ZYG11A: variants seen among roughly 807,000 people sequenced by gnomAD.
The protein encoded by ZYG11A is zyg-11 family member A, cell cycle regulator.
ZYG11A carries 62 observed loss-of-function variants against 77.2 expected under a neutral mutation model. The observed-to-expected ratio is 0.80, with a 90% CI of 0.65 to 0.99. ZYG11A has a LOEUF of 0.99. Among genes scored for constraint, ZYG11A ranks in the 50% least tolerant of loss-of-function variants. The pLI, the probability that ZYG11A is intolerant of heterozygous loss-of-function variation, is 0.00. For synonymous variants in ZYG11A, 315 were observed against 324.6 expected, an observed-to-expected ratio of 0.97 and a Z score of 0.32; for missense variants, 828 against 896.8, an observed-to-expected ratio of 0.92 and a Z score of 0.98.
intron 13 of ZYG11A, among the ~76,000 whole-genome samples, chr1:52,892,509 CA>C (rs1356512764): frequency 6.7e-6 from 1 of 149,000 alleles, no homozygotes; most frequent in Non-Finnish European, 1.5e-5. Flanking sequence ...GCCTGGGCAA[CA>C]AGAGCAAAAC....
At chr1:52,889,915 G>A (rs1307217443) in intron 13 of ZYG11A, among the ~76,000 whole-genome samples, 1 of 151,670 alleles carries the variant, frequency 6.6e-6, no homozygotes, top group Admixed American at 6.6e-5. Flanking sequence ...GGGTTTCACT[G>A]TGTTAGCCAG....
intron 13 of ZYG11A, among the ~76,000 whole-genome samples, chr1:52,889,904 G>A (rs1009700265): frequency 2.0e-5 from 3 of 151,520 alleles, no homozygotes; most frequent in African/African-American, 2.4e-5. Context: ...TAGTAGAGAC[G>A]GGGTTTCACT....
chr1:52,874,114 TTGA>T (rs1646219627), intron 8 of ZYG11A, among the ~76,000 whole-genome samples: 1 of 20,892 alleles, frequency 4.8e-5, no homozygotes, highest in African/African-American at 5.6e-4. Flanking sequence ...GATCACCATC[TTGA>T]TCAGTCGGCC....
chr1:52,887,400 G>A (rs1342761831), intron 13 of ZYG11A, among the ~76,000 whole-genome samples: 2 of 152,030 alleles, frequency 1.3e-5, no homozygotes, highest in Admixed American at 6.6e-5. Flanking sequence ...TTTTAACAAA[G>A]TGGGCTCATT....
intron 3 of ZYG11A, among the ~76,000 whole-genome samples, 164 bp from the exon 4 acceptor site, chr1:52,860,567 G>A (rs1645908598): frequency 6.6e-6 from 1 of 152,194 alleles, no homozygotes; most frequent in Non-Finnish European, 1.5e-5. Flanking sequence ...AAAGTGCTGG[G>A]ATTACAGGCG....
intron 3 of ZYG11A, among the ~76,000 whole-genome samples, chr1:52,859,091 CAG>C (rs1474786905): frequency 3.3e-5 from 5 of 152,152 alleles, no homozygotes; most frequent in Admixed American, 6.5e-5. Context: ...TTTATTGAGA[CAG>C]AGTCACTCTG....
At position 52,866,524 on chromosome 1, in the gene ZYG11A, T is replaced by G; in HGVS notation, c.1348T>G (p.Ser450Ala). The change falls in exon 6 of 14, where the codon TCC becomes GCC. Residue 450 changes from serine to alanine, a missense_variant. By Grantham distance (99) the Ser-to-Ala change is moderately conservative (BLOSUM62 1). Coordinates refer to ENST00000371528, the MANE Select transcript of ZYG11A (RefSeq NM_001004339.3). ...YQQLQKNCLL[S>A]LTNSRILVDV... is the part of the protein sequence containing the mutation. The stretch of plus-strand genomic sequence containing the variant: ...AAAGTTACAGAAGAATTGTCTTCTC[T>G]CCTTAACCAATTCCAGGATTCTTGT... 14 of 1,538,094 alleles carry G rather than the reference T, an allele frequency of 9.1e-6. No homozygotes were observed. Among genetic ancestry groups the G allele is most frequent in the Non-Finnish European group, 1.2e-5 (14 of 1,135,072 alleles).
chr1:52,872,268 A>AT (rs1390569781), intron 8 of ZYG11A, among the ~76,000 whole-genome samples: 7 of 151,960 alleles, frequency 4.6e-5, no homozygotes, highest in Admixed American at 4.6e-4. Flanking sequence ...TGCCCAGCTA[A>AT]TTTTTTTGTA....
chr1:52,884,140 A>G (rs1015393192), intron 11 of ZYG11A, among the ~76,000 whole-genome samples: 3 of 149,264 alleles, frequency 2.0e-5, no homozygotes, highest in African/African-American at 7.3e-5. Context: ...TCGGCCTCCC[A>G]AAGTGCTGGG....
intron 9 of ZYG11A, 35 bp from the exon 10 acceptor site, chr1:52,877,890 A>G: frequency 6.4e-7 from 1 of 1,551,330 alleles, no homozygotes; most frequent in Non-Finnish European, 8.7e-7. Context: ...TCTCTTCATG[A>G]TAAAGTAACC....
intron 8 of ZYG11A, among the ~76,000 whole-genome samples, chr1:52,876,425 A>T (rs1646262284): frequency 6.6e-6 from 1 of 152,180 alleles, no homozygotes; most frequent in Non-Finnish European, 1.5e-5. Context: ...AGATACAGAT[A>T]AAGAGAGCAG....
intron 11 of ZYG11A, among the ~76,000 whole-genome samples, chr1:52,881,894 A>T (rs1277804921): frequency 4.4e-5 from 6 of 136,376 alleles, no homozygotes; most frequent in Non-Finnish European, 3.1e-5. Flanking sequence ...TATTTACTTT[A>T]TTGATGTTTC....
At chr1:52,847,509 ATTT>A (rs34348785) in intron 1 of ZYG11A, among the ~76,000 whole-genome samples, 18 of 145,122 alleles carry the variant, frequency 1.2e-4, no homozygotes, top group Non-Finnish European at 1.8e-4. Flanking sequence ...CCAGCCTGTC[ATTT>A]TTTTTTTTTT....
At position 52,867,964 on chromosome 1, in the gene ZYG11A, T is replaced by C. The variant is rs1246314628; in HGVS notation, c.1542+187T>C. ...GGTATGTACCTCCACATTTCTTTTT[T>C]TTTTTTTTTTTTTTTTTTTTGAGAC... On this transcript the variant is annotated intron_variant, in intron 8 of 13. Transcript: ENST00000371528. Among the ~76,000 whole-genome samples the C allele has an allele frequency of 4.8e-4, 65 of 135,388 alleles. 3 individuals are homozygous for C. The highest frequency in any genetic ancestry group is 6.4e-4 in the Non-Finnish European group (41 of 63,566). 88.8% of individuals were successfully genotyped at this position (135,388 alleles called of 152,430 possible).
chr1:52,847,388 C>A (rs1421567340), intron 1 of ZYG11A, among the ~76,000 whole-genome samples: 1 of 151,734 alleles, frequency 6.6e-6, no homozygotes, highest in Admixed American at 6.6e-5. Flanking sequence ...TTAGTACAGA[C>A]AGGGTTTCTC....
intron 10 of ZYG11A, among the ~76,000 whole-genome samples, chr1:52,879,389 G>A (rs994781985): frequency 6.6e-6 from 1 of 152,134 alleles, no homozygotes. Context: ...TCCTGAACTC[G>A]TTGAAAACAT....
At chr1:52,851,260 G>A (rs570953619) in intron 1 of ZYG11A, among the ~76,000 whole-genome samples, 3 of 152,130 alleles carry the variant, frequency 2.0e-5, no homozygotes, top group Admixed American at 6.5e-5. Flanking sequence ...TTCCACATCT[G>A]GTCTTGAACT....
intron 8 of ZYG11A, among the ~76,000 whole-genome samples, chr1:52,873,354 T>C (rs767331208): frequency 2.6e-5 from 4 of 151,616 alleles, no homozygotes; most frequent in Non-Finnish European, 4.4e-5. Context: ...TGGGAGGAGG[T>C]CAAAATATGA....
intron 3 of ZYG11A, among the ~76,000 whole-genome samples, chr1:52,860,485 A>G (rs2149998517): frequency 6.6e-6 from 1 of 152,224 alleles, no homozygotes; most frequent in African/African-American, 2.4e-5. Flanking sequence ...TTTAGTAGAG[A>G]TGGGGTTTCA....
Sources: allele counts gnomAD v4.1 joint callset (sites outside exome capture counted in the v4.1 genomes callset), GRCh38; gene constraint gnomAD v4.1.1; transcripts MANE v1.5; gene names NCBI Gene and HGNC (gene_info 2026-07-23, HGNC 2026-07-21).